Variants in GALNT17 observed in about 807,000 individuals in gnomAD.
GALNT17 encodes UDP-GalNAc:polypeptide N-acetylgalactosaminyltransferase-like 3.
GALNT17 carries 29 observed loss-of-function variants against 63.7 expected under a neutral mutation model. The observed-to-expected ratio is 0.46, with a 90% CI of 0.34 to 0.62. The LOEUF (loss-of-function observed/expected upper bound fraction) is 0.62, where lower values mean the gene tolerates loss of function less well. Ranked by LOEUF, GALNT17 falls within the 20% of genes least tolerant of loss-of-function variation. The probability of loss-of-function intolerance (pLI) is 0.01; values close to 1 mark genes in which losing one functional copy is unlikely to be tolerated. For synonymous variants in GALNT17, 305 were observed against 318.3 expected (o/e 0.96, Z 0.45); for missense variants, 603 against 799.6 (o/e 0.75, Z 2.97).
chr7:71,149,672 G>T (rs910431892), intron 1 of GALNT17, among the ~76,000 whole-genome samples: 3 of 152,182 alleles, frequency 2.0e-5, no homozygotes, highest in Non-Finnish European at 4.4e-5. Context: ...AAGTGAAATT[G>T]ATATTAAGTT....
At chr7:71,365,651 G>C (rs1211649198) in intron 2 of GALNT17, among the ~76,000 whole-genome samples, 1 of 152,020 alleles carries the variant, frequency 6.6e-6, no homozygotes, top group East Asian at 1.9e-4. Flanking sequence ...AAATTTAATA[G>C]TTTTAATAGA....
chr7:71,290,051 C>A (rs930533456), intron 1 of GALNT17, among the ~76,000 whole-genome samples: 7 of 152,020 alleles, frequency 4.6e-5, no homozygotes, highest in East Asian at 1.9e-4. Context: ...TCAAAAAAAA[C>A]CAAAAACAAA....
chr7:71,588,922 A>G (rs1367728952), intron 6 of GALNT17, among the ~76,000 whole-genome samples: 2 of 152,176 alleles, frequency 1.3e-5, no homozygotes, highest in African/African-American at 2.4e-5. Context: ...TTGATTGTCA[A>G]AGCTAAACTA....
chr7:71,649,612 A>AACACACACACACACAC (rs148658729), intron 6 of GALNT17, among the ~76,000 whole-genome samples: 2 of 146,158 alleles, frequency 1.4e-5, no homozygotes, highest in African/African-American at 5.0e-5. Flanking sequence ...TTCAGGATTA[A>AACACACACACACACAC]ACACACACAC....
chr7:71,711,508 T>TCTCTCTCTCC (rs562545643), intron 10 of GALNT17, among the ~76,000 whole-genome samples: 3 of 151,604 alleles, frequency 2.0e-5, no homozygotes, highest in Admixed American at 6.6e-5. Context: ...TATTGCACTC[T>TCTCTCTCTCC]CTCTCTCTCC....
At chr7:71,332,114 T>G (rs940974973) in intron 1 of GALNT17, among the ~76,000 whole-genome samples, 1 of 152,196 alleles carries the variant, frequency 6.6e-6, no homozygotes, top group Non-Finnish European at 1.5e-5. Flanking sequence ...GTTTCTATGA[T>G]TGTCTTGAGT....
At chr7:71,677,085 C>T (rs931960910) in intron 8 of GALNT17, 126 bp from the exon 9 acceptor site, 4 of 913,234 alleles carry the variant, frequency 4.4e-6, no homozygotes, top group Non-Finnish European at 7.2e-6. Flanking sequence ...AGCCCTGGTC[C>T]TCACTTAGAG....
At chr7:71,571,424 C>T (rs868451173) in intron 6 of GALNT17, 22 bp downstream of exon 6, 1 of 1,594,640 alleles carries the variant, frequency 6.3e-7, no homozygotes, top group Non-Finnish European at 8.6e-7. Context: ...GGTGTCCCTT[C>T]CTCTTGGTGT....
At chr7:71,305,243 T>C (rs1791268815) in intron 1 of GALNT17, among the ~76,000 whole-genome samples, 1 of 152,214 alleles carries the variant, frequency 6.6e-6, no homozygotes, top group Non-Finnish European at 1.5e-5. Context: ...TTTTGCTAGT[T>C]TTTTGGGATA....
chr7:71,692,784 G>A (rs1791475564), intron 9 of GALNT17, among the ~76,000 whole-genome samples: 1 of 148,920 alleles, frequency 6.7e-6, no homozygotes, highest in South Asian at 2.1e-4. Flanking sequence ...TGGCACCCAG[G>A]CTGGAGTGCA....
intron 5 of GALNT17, among the ~76,000 whole-genome samples, chr7:71,460,568 G>C (rs1021007024): frequency 6.6e-6 from 1 of 152,160 alleles, no homozygotes; most frequent in Admixed American, 6.5e-5. Flanking sequence ...GACCCCAAGA[G>C]AGGGTTCTTG....
At chr7:71,585,912 T>G (rs1294630187) in intron 6 of GALNT17, among the ~76,000 whole-genome samples, 2 of 78,714 alleles carry the variant, frequency 2.5e-5, no homozygotes, top group African/African-American at 4.4e-5. Context: ...ATTTCCTGAT[T>G]TCTTTTTTTT....
chr7:71,519,875 T>G (rs2116747717), intron 5 of GALNT17, among the ~76,000 whole-genome samples: 1 of 152,230 alleles, frequency 6.6e-6, no homozygotes, highest in Middle Eastern at 3.4e-3. Flanking sequence ...ATGTAGCTAT[T>G]CAATAAAATG....
chr7:71,654,507 C>T (rs923548055), intron 6 of GALNT17, among the ~76,000 whole-genome samples: 2 of 152,224 alleles, frequency 1.3e-5, no homozygotes, highest in African/African-American at 4.8e-5. Context: ...GGTGTACCTA[C>T]TTCCCCTGTA....
chr7:71,368,530 C>T (rs181210963), intron 2 of GALNT17, among the ~76,000 whole-genome samples: 9 of 152,260 alleles, frequency 5.9e-5, no homozygotes, highest in African/African-American at 2.2e-4. Context: ...TTCCCTGGGC[C>T]CCGTTGATCT....
intron 1 of GALNT17, among the ~76,000 whole-genome samples, chr7:71,164,527 A>G (rs1445314521): frequency 6.6e-6 from 1 of 152,242 alleles, no homozygotes; most frequent in African/African-American, 2.4e-5. Flanking sequence ...GCCAAACTAT[A>G]TCATTGTCCC....
chr7:71,627,563 A>G (rs946187533), intron 6 of GALNT17, among the ~76,000 whole-genome samples: 1 of 152,234 alleles, frequency 6.6e-6, no homozygotes, highest in African/African-American at 2.4e-5. Context: ...GGAGGCCATC[A>G]ACAGAGGTAC....
chr7:71,593,984 A>G (rs1258493716), intron 6 of GALNT17, among the ~76,000 whole-genome samples: 1 of 151,622 alleles, frequency 6.6e-6, no homozygotes, highest in East Asian at 1.9e-4. Context: ...CAGATGTAAG[A>G]GGCCAAAGGA....
intron 6 of GALNT17, among the ~76,000 whole-genome samples, chr7:71,621,011 G>C (rs988946090): frequency 6.6e-6 from 1 of 152,168 alleles, no homozygotes; most frequent in African/African-American, 2.4e-5. Flanking sequence ...CAAGAGACAG[G>C]ATATGGGTCT....
Sources: allele counts gnomAD v4.1 joint callset (sites outside exome capture counted in the v4.1 genomes callset), GRCh38; gene constraint gnomAD v4.1.1; transcripts MANE v1.5; gene names NCBI Gene and HGNC (gene_info 2026-07-23, HGNC 2026-07-21).